CLASP1: variants seen among roughly 807,000 people sequenced by gnomAD.
CLASP1 encodes the protein CLIP-associating protein 1.
CLASP1 carries 38 observed loss-of-function variants against 192.3 expected under a neutral mutation model. That is an observed-to-expected ratio of 0.20 (90% CI 0.15 to 0.26). The LOEUF (loss-of-function observed/expected upper bound fraction) is 0.26. Among genes scored for constraint, CLASP1 ranks in the 10% least tolerant of loss-of-function variants. CLASP1 has a pLI of 1.00. For missense variants in CLASP1, 1,433 were observed against 1,932.5 expected, an observed-to-expected ratio of 0.74 and a Z score of 4.85; for synonymous variants, 691 against 712.8, an observed-to-expected ratio of 0.97 and a Z score of 0.49.
At chr2:121,494,173 C>G (rs189665906) in intron 8 of CLASP1, among the ~76,000 whole-genome samples, 6 of 152,156 alleles carry the variant, frequency 3.9e-5, no homozygotes, top group African/African-American at 1.4e-4. Flanking sequence ...GCACTGTTCA[C>G]AATAGCCAAG....
At chr2:121,530,846 G>C (rs1181403526) in intron 2 of CLASP1, 2 of 666,880 alleles carry the variant, frequency 3.0e-6, no homozygotes, top group African/African-American at 1.8e-5. Flanking sequence ...AGGTATTGGC[G>C]CTTCCTGCTT....
intron 1 of CLASP1, among the ~76,000 whole-genome samples, chr2:121,606,493 T>TA (rs2064430057): frequency 6.6e-6 from 1 of 152,202 alleles, no homozygotes; most frequent in Non-Finnish European, 1.5e-5. Flanking sequence ...TATTTATTTG[T>TA]AACTTCAATT....
At chr2:121,463,362 G>A (rs2088555213) in intron 9 of CLASP1, among the ~76,000 whole-genome samples, 1 of 152,090 alleles carries the variant, frequency 6.6e-6, no homozygotes. Context: ...TGTATCTGGT[G>A]TTCAGGGTCC....
At chr2:121,389,261 A>T (rs1277265050) in intron 30 of CLASP1, among the ~76,000 whole-genome samples, 1 of 152,182 alleles carries the variant, frequency 6.6e-6, no homozygotes, top group Non-Finnish European at 1.5e-5. Context: ...ATAAGTGGTC[A>T]TAATATTTTT....
intron 2 of CLASP1, among the ~76,000 whole-genome samples, chr2:121,556,075 C>T (rs531929899): frequency 3.4e-5 from 5 of 147,168 alleles, no homozygotes; most frequent in Admixed American, 2.1e-4. Context: ...CCTCTGCCTC[C>T]CAGGTTCAAG....
chr2:121,550,578 T>C (rs2057944751), intron 2 of CLASP1, among the ~76,000 whole-genome samples: 1 of 151,788 alleles, frequency 6.6e-6, no homozygotes, highest in Admixed American at 6.6e-5. Context: ...ACTGACCCCA[T>C]AAAAATAAAA....
chr2:121,542,366 T>C (rs781150346), intron 2 of CLASP1, among the ~76,000 whole-genome samples: 8 of 152,232 alleles, frequency 5.3e-5, no homozygotes, highest in Non-Finnish European at 2.9e-5. Context: ...AACAGGACTG[T>C]GCCCTGCTGA....
exon 40 of CLASP1, chr2:121,340,941 G>T: frequency 6.2e-7 from 1 of 1,600,930 alleles, no homozygotes. Flanking sequence ...AAGTTTAGTA[G>T]CTTCATCTGA....
intron 1 of CLASP1, among the ~76,000 whole-genome samples, chr2:121,648,076 T>A (rs1053893728): frequency 2.0e-5 from 3 of 152,256 alleles, no homozygotes; most frequent in Non-Finnish European, 4.4e-5. Flanking sequence ...TCTGAGGCAC[T>A]GTGCTACTTT....
intron 2 of CLASP1, among the ~76,000 whole-genome samples, chr2:121,601,161 T>A (rs527300395): frequency 6.6e-6 from 1 of 152,118 alleles, no homozygotes; most frequent in East Asian, 1.9e-4. Flanking sequence ...AATATGCACA[T>A]AGAAAAAGTG....
At chr2:121,439,499 C>T (rs1252014566) in intron 19 of CLASP1, among the ~76,000 whole-genome samples, 4 of 151,696 alleles carry the variant, frequency 2.6e-5, no homozygotes, top group East Asian at 1.9e-4. Flanking sequence ...GCTTTGAATG[C>T]GTCCCAGAGA....
intron 2 of CLASP1, among the ~76,000 whole-genome samples, chr2:121,563,849 A>G (rs10197918): frequency 0.24 from 36,704 of 152,140 alleles, 6,886 homozygotes; most frequent in African/African-American, 0.52. Context: ...CATATCCAAG[A>G]CTGGGCAATT....
chr2:121,366,784 G>A (rs888664247), intron 35 of CLASP1, among the ~76,000 whole-genome samples: 1 of 151,970 alleles, frequency 6.6e-6, no homozygotes, highest in Non-Finnish European at 1.5e-5. Context: ...CTATCAAATC[G>A]AAATAAACCA....
intron 2 of CLASP1, among the ~76,000 whole-genome samples, chr2:121,539,233 A>G (rs1049102986): frequency 2.0e-5 from 3 of 152,226 alleles, no homozygotes; most frequent in Non-Finnish European, 4.4e-5. Flanking sequence ...ACAAGGTGAT[A>G]AAACTTGCTC....
chr2:121,341,777 G>T (rs1480689895), intron 39 of CLASP1, among the ~76,000 whole-genome samples: 1 of 152,186 alleles, frequency 6.6e-6, no homozygotes, highest in Non-Finnish European at 1.5e-5. Flanking sequence ...AAACCAACTT[G>T]ATCTAACAGA....
chr2:121,358,829 G>T lies in CLASP1; in HGVS notation c.4206+4343C>A, dbSNP rs541630459. ...GCCAAACCACTTGAAGCTGGATTCT[G>T]GTGCCTTAAACACCACGACCTTTGT... On this transcript the variant is annotated intron_variant, in intron 37 of 39. Transcript: ENST00000263710. Among the ~76,000 whole-genome samples, 5 of 152,294 alleles carry T rather than the reference G, an allele frequency of 3.3e-5. No homozygotes were observed. In the East Asian group the frequency reaches 9.6e-4, roughly 29 times the overall value.
At chr2:121,494,315 G>A (rs927548948) in intron 8 of CLASP1, among the ~76,000 whole-genome samples, 4 of 152,190 alleles carry the variant, frequency 2.6e-5, no homozygotes, top group Non-Finnish European at 5.9e-5. Context: ...GATGGAACTG[G>A]AGGAAATTAT....
chr2:121,522,250 T>C (rs1220554820), intron 6 of CLASP1, among the ~76,000 whole-genome samples: 1 of 152,212 alleles, frequency 6.6e-6, no homozygotes, highest in African/African-American at 2.4e-5. Flanking sequence ...TCCTGTCTAC[T>C]ACAGAATACT....
intron 2 of CLASP1, among the ~76,000 whole-genome samples, chr2:121,531,189 A>G (rs577490901): frequency 6.6e-6 from 1 of 152,154 alleles, no homozygotes; most frequent in East Asian, 1.9e-4. Flanking sequence ...CACCCCTTTA[A>G]CTTTACGCCG....
Sources: gnomAD v4.1 joint callset for allele counts (sites outside exome capture counted in the v4.1 genomes callset) on GRCh38, gnomAD v4.1.1 for gene constraint, MANE v1.5 for transcripts, NCBI Gene and HGNC (gene_info 2026-07-23, HGNC 2026-07-21) for gene names.